Variants in KLHL29 observed in about 807,000 individuals in gnomAD.
KLHL29 encodes the protein kelch-like protein 29.
A neutral mutation model predicts 80.4 loss-of-function variants in KLHL29; 21 were observed. The ratio of observed to expected loss-of-function variants is 0.26; its 90% confidence interval spans 0.19 to 0.38. The LOEUF (loss-of-function observed/expected upper bound fraction) is 0.38. KLHL29 is among the 10% of genes least tolerant of loss of function. The probability of loss-of-function intolerance (pLI) is 1.00; values close to 1 mark genes in which losing one functional copy is unlikely to be tolerated. For synonymous variants in KLHL29, 511 were observed against 526.8 expected (o/e 0.97, Z 0.41); for missense variants, 867 against 1,223.9 (o/e 0.71, Z 4.35).
chr2:23,589,520 T>A (rs1380929746), intron 3 of KLHL29, among the ~76,000 whole-genome samples: 1 of 152,216 alleles, frequency 6.6e-6, no homozygotes, highest in African/African-American at 2.4e-5. Context: ...TGTGGAGATG[T>A]GAAACGTGGC....
chr2:23,434,580 A>G lies in KLHL29; in HGVS notation c.-153-40980A>G, dbSNP rs574610252. Among the ~76,000 whole-genome samples, 117 of 152,342 alleles carry G rather than the reference A, an allele frequency of 7.7e-4. 1 individual carries two copies. The highest frequency in any genetic ancestry group is 5.9e-4 in the Admixed American group (9 of 15,304). On this transcript the variant is annotated intron_variant, in intron 1 of 13. Transcript: ENST00000486442. ...AAACTTGGGCCTTGTAGACGGGAAG[A>G]AAGAAAGAAGAGACATTGAGAGTCC...
rs547498811 is a variant in KLHL29 at position 23,636,337 on chromosome 2, G to C, written c.286-2802G>C. Among the ~76,000 whole-genome samples, 196 of 151,454 alleles carry C rather than the reference G, an allele frequency of 1.3e-3. 1 individual carries two copies. Among genetic ancestry groups the C allele is most frequent in the Admixed American group, 4.5e-3 (69 of 15,228 alleles). Reference sequence around the variant, plus strand: ...AAAATTCCTGAACTACAGGTTGCTTGTAGCTTCAGATGTTGTGAGTGCTCA... The same window carrying C: ...AAAATTCCTGAACTACAGGTTGCTTCTAGCTTCAGATGTTGTGAGTGCTCA... On this transcript the variant is annotated intron_variant, in intron 3 of 13. Coordinates refer to ENST00000486442, the MANE Select transcript of KLHL29 (RefSeq NM_052920.2).
chr2:23,465,161 G>A (rs1664313393), intron 1 of KLHL29, among the ~76,000 whole-genome samples: 1 of 152,210 alleles, frequency 6.6e-6, no homozygotes, highest in African/African-American at 2.4e-5. Context: ...TACTGTGGCA[G>A]GCAGGGTATG....
chr2:23,671,547 C>T (rs1370026767), intron 5 of KLHL29, among the ~76,000 whole-genome samples: 2 of 152,336 alleles, frequency 1.3e-5, no homozygotes. Context: ...ACCATTTCCT[C>T]GTCCAGGTGC....
chr2:23,468,886 C>T (rs1664422056), intron 1 of KLHL29, among the ~76,000 whole-genome samples: 1 of 152,236 alleles, frequency 6.6e-6, no homozygotes, highest in Admixed American at 6.5e-5. Context: ...CTTACGGCGT[C>T]CAGACTTGAG....
At position 23,539,431 on chromosome 2, in the gene KLHL29, C is replaced by CTTTTTTTTTTTTTTT. The variant is rs1666768797; in HGVS notation, c.-45-22721_-45-22720insTTTTTTTTTTTTTTT. Among the ~76,000 whole-genome samples the CTTTTTTTTTTTTTTT allele has an allele frequency of 2.8e-5, 3 of 107,214 alleles. 1 individual carries two copies. The highest frequency in any genetic ancestry group is 1.9e-5 in the Non-Finnish European group (1 of 53,524). 70.3% of individuals were successfully genotyped at this position (107,214 alleles called of 152,430 possible). ...ATGCTTTGCTAGCCTTATCCTGCCT[C>CTTTTTTTTTTTTTTT]CTTTTTTTTTTTTTTTTTTTTTTTT... On this transcript the variant is annotated intron_variant, in intron 2 of 13. Transcript: ENST00000486442.
rs1006007079 is a variant in KLHL29, at chr2:23,459,454, G to T, written c.-153-16106G>T. Among the ~76,000 whole-genome samples the T allele has an allele frequency of 2.6e-5, 4 of 152,276 alleles. No individual in the cohort carries two copies. In the East Asian group the frequency reaches 7.7e-4, roughly 29 times the overall value. ...AAGAGAATGGAGTAAAAAAAGAGAA[G>T]AGGGCCTGGCAAAACATCTTCTAGG... On this transcript the variant is annotated intron_variant, in intron 1 of 13. Transcript: ENST00000486442.
rs1357285474 is a variant in KLHL29 at position 23,700,486 on chromosome 2, CTTTCCAACTCCATG to C, written c.2106-2697_2106-2684del. On this transcript the variant is annotated intron_variant, in intron 11 of 13. Transcript: ENST00000486442. This position sits in a 1 kb window ranked among gnomAD's most constrained non-coding sequence, Gnocchi z 4.6. Reference sequence around the variant, plus strand: ...AGAGAATGGTGGCCACAGCACATCTCTTTCCAACTCCATGTTCAGCAACATCCCTATGGTAGCTT... The same window carrying C: ...AGAGAATGGTGGCCACAGCACATCTCTTCAGCAACATCCCTATGGTAGCTT... 1.3e-5 allele frequency among the ~76,000 whole-genome samples: 2 copies of C among 152,194 alleles called. No homozygotes were observed. The highest frequency in any genetic ancestry group is 4.8e-5 in the African/African-American group (2 of 41,442).
chr2:23,538,008 G>T (rs1361247802), intron 2 of KLHL29, among the ~76,000 whole-genome samples: 1 of 152,202 alleles, frequency 6.6e-6, no homozygotes, highest in Non-Finnish European at 1.5e-5. Context: ...AGCACTGAGG[G>T]TACCTACAGA....
intron 5 of KLHL29, among the ~76,000 whole-genome samples, chr2:23,657,685 G>A (rs866304165): frequency 1.3e-5 from 2 of 152,228 alleles, no homozygotes; most frequent in African/African-American, 2.4e-5. Flanking sequence ...CTGGGAGGGA[G>A]GTTGGGACTC....
intron 1 of KLHL29, among the ~76,000 whole-genome samples, chr2:23,465,828 C>T (rs1446162185): frequency 6.6e-6 from 1 of 152,188 alleles, no homozygotes; most frequent in East Asian, 1.9e-4. Flanking sequence ...GGCCCAGAAA[C>T]TCTCCTCCTC....
Position 23,570,663 on chromosome 2 carries a change from T to C in KLHL29, c.285+8182T>C, listed in dbSNP as rs541151142. Reference sequence around the variant, plus strand: ...AGTCACTCACATTCCATGTTCTTAATTTTTTTCACACCTGAAGGGGTGGAG... The same window carrying C: ...AGTCACTCACATTCCATGTTCTTAACTTTTTTCACACCTGAAGGGGTGGAG... On this transcript the variant is annotated intron_variant, in intron 3 of 13. Coordinates refer to ENST00000486442, the MANE Select transcript of KLHL29 (RefSeq NM_052920.2). Among the ~76,000 whole-genome samples, 14 of 152,282 alleles carry C rather than the reference T, an allele frequency of 9.2e-5. No homozygotes were observed. In the South Asian group the frequency reaches 2.9e-3, roughly 32 times the overall value.
intron 7 of KLHL29, among the ~76,000 whole-genome samples, chr2:23,692,888 C>T (rs935807509): frequency 6.6e-6 from 1 of 152,282 alleles, no homozygotes; most frequent in Admixed American, 6.5e-5. Context: ...ACATGCCTGG[C>T]ACAACATGGA....
intron 5 of KLHL29, among the ~76,000 whole-genome samples, chr2:23,673,743 G>A (rs1207043227): frequency 6.6e-6 from 1 of 150,736 alleles, no homozygotes. Context: ...ACACAGGGGT[G>A]CATGCACACA....
At position 23,491,764 on chromosome 2, in the gene KLHL29, C is replaced by T. The variant is rs887845830; in HGVS notation, c.-46+16097C>T. ...GTCCACTGCCCCTCCCTCCAGATGCCGCTCAGGTGCCGTGCGACCTCGCTG... is the reference window on the plus strand; with the variant it reads ...GTCCACTGCCCCTCCCTCCAGATGCTGCTCAGGTGCCGTGCGACCTCGCTG... On this transcript the variant is annotated intron_variant, in intron 2 of 13. Coordinates refer to ENST00000486442, the MANE Select transcript of KLHL29 (RefSeq NM_052920.2). 2.0e-5 allele frequency among the ~76,000 whole-genome samples: 3 copies of T among 152,258 alleles called. No homozygotes were observed. The East Asian group carries it at 5.8e-4, about 29-fold the overall frequency.
At chr2:23,460,826 A>C (rs1270483718) in intron 1 of KLHL29, among the ~76,000 whole-genome samples, 2 of 151,610 alleles carry the variant, frequency 1.3e-5, no homozygotes, top group Non-Finnish European at 2.9e-5. Context: ...GCTTCCCGTG[A>C]AGGGAGCATC....
chr2:23,594,115 CAG>C (rs1055140880), intron 3 of KLHL29, among the ~76,000 whole-genome samples: 1 of 152,136 alleles, frequency 6.6e-6, no homozygotes, highest in Non-Finnish European at 1.5e-5. Context: ...GATTTAATGA[CAG>C]GGGTGTCGAG....
At chr2:23,510,522 A>T (rs1230507652) in intron 2 of KLHL29, among the ~76,000 whole-genome samples, 2 of 152,218 alleles carry the variant, frequency 1.3e-5, no homozygotes. Flanking sequence ...CCTTAAACAC[A>T]GGCTGGGACA....
intron 3 of KLHL29, among the ~76,000 whole-genome samples, chr2:23,577,121 T>TTA (rs1215637344): frequency 6.6e-6 from 1 of 152,160 alleles, no homozygotes; most frequent in Admixed American, 6.5e-5. Flanking sequence ...TGCGTCTTCT[T>TTA]TAGTTCAGAC....
Sources: allele counts gnomAD v4.1 joint callset (sites outside exome capture counted in the v4.1 genomes callset), GRCh38; gene constraint gnomAD v4.1.1; non-coding constraint Gnocchi (gnomAD v3.1); transcripts MANE v1.5; gene names NCBI Gene and HGNC (gene_info 2026-07-23, HGNC 2026-07-21).